Variants in CFAP97D2 observed in about 807,000 individuals in gnomAD.
The protein encoded by CFAP97D2 is uncharacterized protein CFAP97D2.
At chr13:114,212,461 C>G (rs2080971411) in intron 4 of CFAP97D2, among the ~76,000 whole-genome samples, 1 of 152,090 alleles carries the variant, frequency 6.6e-6, no homozygotes, top group African/African-American at 2.4e-5. Flanking sequence ...CGTCTATAAC[C>G]CCCAGCACTT....
Position 114,196,411 on chromosome 13 carries a change from C to A in CFAP97D2, c.106C>A (p.Pro36Thr), listed in dbSNP as rs866657573. The A allele has an allele frequency of 3.6e-4, 145 of 399,796 alleles. No homozygotes were observed. The Middle Eastern group carries it at 6.3e-3, about 17-fold the overall frequency. The allele number at this position is 399,796 out of a possible 1,614,324, so 24.8% of individuals were successfully genotyped here. Reference sequence around the variant, plus strand: ...CATGCCACAGGTCCAGAGCGCCCAGCCGCTGGTAGACACCCGCGCCCCGCT... The same window carrying A: ...CATGCCACAGGTCCAGAGCGCCCAGACGCTGGTAGACACCCGCGCCCCGCT... The change falls in exon 2 of 5, where the codon CCG becomes ACG. Residue 36 changes from proline to threonine, a missense_variant. Physicochemically the swap from Pro to Thr is conservative, Grantham distance 38. Transcript: ENST00000646158.
At chr13:114,180,339 G>T (rs975958379) in intron 1 of CFAP97D2, among the ~76,000 whole-genome samples, 4 of 152,220 alleles carry the variant, frequency 2.6e-5, no homozygotes, top group African/African-American at 7.2e-5. Context: ...GTGTGGCCTG[G>T]GCTGCAGGTC....
intron 1 of CFAP97D2, among the ~76,000 whole-genome samples, chr13:114,196,039 C>T (rs988252641): frequency 4.2e-5 from 6 of 144,050 alleles, no homozygotes; most frequent in Admixed American, 7.1e-5. Context: ...GCCAAGATTG[C>T]GCCACTATGC....
exon 2 of CFAP97D2, chr13:114,196,444 C>T: frequency 2.5e-6 from 1 of 399,638 alleles, no homozygotes; most frequent in Non-Finnish European, 4.4e-6. Context: ...GCTGACGTTC[C>T]GCCATCTCCA....
rs142113524 is a variant in CFAP97D2 at position 114,182,199 on chromosome 13, T to G, written c.90+2779T>G. Reference sequence around the variant, plus strand: ...TGAGCAAAAGAGTCTATGTCGTAATTAAGTTCAAGGGAAGGTACTATGCCT... The same window carrying G: ...TGAGCAAAAGAGTCTATGTCGTAATGAAGTTCAAGGGAAGGTACTATGCCT... On this transcript the variant is annotated intron_variant, in intron 1 of 4. Transcript: ENST00000646158. 6.9e-4 allele frequency among the ~76,000 whole-genome samples: 98 copies of G among 142,608 alleles called. 8 individuals are homozygous for G. Among genetic ancestry groups the G allele is most frequent in the African/African-American group, 1.3e-3 (49 of 38,092 alleles). The allele number at this position is 142,608 out of a possible 152,430, so 93.6% of individuals were successfully genotyped here.
intron 4 of CFAP97D2, among the ~76,000 whole-genome samples, chr13:114,219,128 T>C (rs2081008593): frequency 6.6e-6 from 1 of 152,246 alleles, no homozygotes; most frequent in African/African-American, 2.4e-5. Flanking sequence ...AATCTACTCA[T>C]CTGACAAAGG....
Position 114,179,626 on chromosome 13 carries a change from CTTTT to C in CFAP97D2, c.90+215_90+218del, listed in dbSNP as rs765746333. Among the ~76,000 whole-genome samples, 1 of 145,364 alleles carries C rather than the reference CTTTT, an allele frequency of 6.9e-6. No individual in the cohort carries two copies. Among genetic ancestry groups the C allele is most frequent in the Non-Finnish European group, 1.5e-5 (1 of 65,656 alleles). ...AAATAGTTGACGGCTTTCTTTCTTT[CTTTT>C]TTTTTTTTGAGATGACAGCTTTCAT... is the stretch of plus-strand genomic sequence containing the variant. On this transcript the variant is annotated intron_variant, in intron 1 of 4. Transcript: ENST00000646158. The surrounding 1 kb of genome is among the most constrained non-coding windows in gnomAD (Gnocchi z 4.8).
At chr13:114,209,635 T>C (rs2080958045) in intron 3 of CFAP97D2, among the ~76,000 whole-genome samples, 1 of 152,194 alleles carries the variant, frequency 6.6e-6, no homozygotes, top group Non-Finnish European at 1.5e-5. Flanking sequence ...TCTGTGCTCG[T>C]TCTGGCTCCA....
intron 2 of CFAP97D2, among the ~76,000 whole-genome samples, 191 bp from the exon 3 acceptor site, chr13:114,200,134 C>T (rs1274109915): frequency 8.3e-6 from 1 of 120,832 alleles, no homozygotes; most frequent in Non-Finnish European, 1.7e-5. Context: ...GGCGTCCCCT[C>T]GCGTACGGTC....
intron 1 of CFAP97D2, among the ~76,000 whole-genome samples, chr13:114,181,951 A>G (rs550421645): frequency 6.6e-6 from 1 of 152,214 alleles, no homozygotes; most frequent in South Asian, 2.1e-4. Flanking sequence ...GGGTATTTCT[A>G]GTCGGGTGGG....
intron 3 of CFAP97D2, among the ~76,000 whole-genome samples, chr13:114,204,666 T>C (rs191537424): frequency 6.5e-4 from 99 of 152,146 alleles, no homozygotes; most frequent in African/African-American, 2.3e-3. Flanking sequence ...TCACACCATA[T>C]AGAAGAATTA....
intron 1 of CFAP97D2, among the ~76,000 whole-genome samples, chr13:114,184,937 A>G (rs2138749962): frequency 6.6e-6 from 1 of 152,348 alleles, no homozygotes; most frequent in African/African-American, 2.4e-5. Context: ...TATCTGTGAT[A>G]CACATACACC....
rs117677965 is a variant in CFAP97D2, at chr13:114,195,007, T to C, written c.91-1389T>C. ...TCTTAGTGTCACCTGGTATGAAAACTGAAAGCAGAGGGCATTCTTCATGCC... is the reference window on the plus strand; with the variant it reads ...TCTTAGTGTCACCTGGTATGAAAACCGAAAGCAGAGGGCATTCTTCATGCC... On this transcript the variant is annotated intron_variant, in intron 1 of 4. Coordinates refer to ENST00000646158, the Ensembl canonical transcript of CFAP97D2. Among the ~76,000 whole-genome samples, 385 of 152,308 alleles carry C rather than the reference T, an allele frequency of 2.5e-3. 1 individual carries two copies. Among genetic ancestry groups the C allele is most frequent in the Admixed American group, 4.4e-3 (68 of 15,306 alleles).
chr13:114,194,709 C>T (rs1477047672), intron 1 of CFAP97D2, among the ~76,000 whole-genome samples: 2 of 133,900 alleles, frequency 1.5e-5, no homozygotes, highest in African/African-American at 6.4e-5. Context: ...TGGCATTTTG[C>T]TGTAAGGAAA....
chr13:114,182,435 C>T (rs1313105420), intron 1 of CFAP97D2, among the ~76,000 whole-genome samples: 3 of 151,986 alleles, frequency 2.0e-5, no homozygotes, highest in Non-Finnish European at 4.4e-5. Context: ...CTTCCTCTAT[C>T]TCAACTGCAA....
chr13:114,206,824 T>G (rs2080942371), intron 3 of CFAP97D2, among the ~76,000 whole-genome samples: 1 of 152,192 alleles, frequency 6.6e-6, no homozygotes, highest in South Asian at 2.1e-4. Flanking sequence ...AGAATCTCAC[T>G]GCTTTTGGGG....
chr13:114,182,348 T>G (rs1319722805), intron 1 of CFAP97D2, among the ~76,000 whole-genome samples: 2 of 152,274 alleles, frequency 1.3e-5, no homozygotes, highest in East Asian at 3.9e-4. Context: ...TTTTCTCCTA[T>G]CTCAGAATTG....
At chr13:114,180,803 G>A (rs2080829186) in intron 1 of CFAP97D2, among the ~76,000 whole-genome samples, 1 of 152,182 alleles carries the variant, frequency 6.6e-6, no homozygotes, top group African/African-American at 2.4e-5. Flanking sequence ...TTTGTATCCC[G>A]GGGACTAGAA....
intron 1 of CFAP97D2, among the ~76,000 whole-genome samples, chr13:114,190,169 A>G (rs987234796): frequency 1.3e-5 from 2 of 152,036 alleles, no homozygotes; most frequent in Non-Finnish European, 2.9e-5. Flanking sequence ...CTGAAAAACA[A>G]CCTCTACCTA....
Sources: gnomAD v4.1 joint callset for allele counts (sites outside exome capture counted in the v4.1 genomes callset) on GRCh38, gnomAD v4.1.1 for gene constraint, Gnocchi (gnomAD v3.1) non-coding constraint, MANE v1.5 for transcripts, NCBI Gene and HGNC (gene_info 2026-07-23, HGNC 2026-07-21) for gene names.